MAP2K1: variants seen among roughly 807,000 people sequenced by gnomAD.
MAP2K1 encodes mitogen-activated protein kinase kinase 1.
MAP2K1 carries 16 observed loss-of-function variants against 46.3 expected under a neutral mutation model. That is an observed-to-expected ratio of 0.35 (90% CI 0.23 to 0.52). MAP2K1 has a LOEUF of 0.52. Ranked by LOEUF, MAP2K1 falls within the 20% of genes least tolerant of loss-of-function variation. The pLI, the probability that MAP2K1 is intolerant of heterozygous loss-of-function variation, is 0.94. For missense variants in MAP2K1, 263 were observed against 497.1 expected, an observed-to-expected ratio of 0.53 and a Z score of 4.48; for synonymous variants, 183 against 185.6, an observed-to-expected ratio of 0.99 and a Z score of 0.11.
intron 1 of MAP2K1, among the ~76,000 whole-genome samples, chr15:66,423,732 C>T (rs1388613539): frequency 1.4e-5 from 2 of 139,056 alleles, no homozygotes; most frequent in Non-Finnish European, 3.1e-5. Flanking sequence ...CTCAGCCTCC[C>T]GAGTAGCTGG....
At chr15:66,422,196 C>T (rs2093445325) in intron 1 of MAP2K1, among the ~76,000 whole-genome samples, 1 of 152,180 alleles carries the variant, frequency 6.6e-6, no homozygotes, top group Non-Finnish European at 1.5e-5. Flanking sequence ...TTTCATTTAT[C>T]TATGTTTCTT....
At chr15:66,420,548 G>C (rs996355311) in intron 1 of MAP2K1, among the ~76,000 whole-genome samples, 1 of 150,364 alleles carries the variant, frequency 6.7e-6, no homozygotes, top group Non-Finnish European at 1.5e-5. Context: ...GTAACACCCT[G>C]TCTCAAAAAT....
chr15:66,423,738 G>A (rs4776785), intron 1 of MAP2K1, among the ~76,000 whole-genome samples: 17,875 of 124,076 alleles, frequency 0.14, 1,162 homozygotes, highest in Admixed American at 0.18. Context: ...CTCCCGAGTA[G>A]CTGGGATTAC....
intron 1 of MAP2K1, chr15:66,401,922 G>A (rs1473613713): frequency 1.1e-5 from 14 of 1,266,260 alleles, no homozygotes; most frequent in Non-Finnish European, 1.5e-5. Flanking sequence ...GCATCGGTTC[G>A]GGTCGAAGGA....
chr15:66,480,223 G>A (rs1567024316), intron 5 of MAP2K1, among the ~76,000 whole-genome samples: 1 of 151,944 alleles, frequency 6.6e-6, no homozygotes, highest in Non-Finnish European at 1.5e-5. Flanking sequence ...CAAGTAGATG[G>A]GATTACAGGC....
At position 66,443,273 on chromosome 15, in the gene MAP2K1, A is replaced by T. The variant is rs964442363; in HGVS notation, c.439-7A>T. On this transcript the variant is annotated splice_region_variant and splice_polypyrimidine_tract_variant and intron_variant, in intron 3 of 10. Coordinates refer to ENST00000307102, the MANE Select transcript of MAP2K1 (RefSeq NM_002755.4). ...GTCACTAACTGGTCTGGTATTCTCGATCTTAGGATGGAGGTTCTCTGGATC... is the reference window on the plus strand; with the variant it reads ...GTCACTAACTGGTCTGGTATTCTCGTTCTTAGGATGGAGGTTCTCTGGATC... 1.4e-5 allele frequency: 23 copies of T among 1,588,580 alleles called. No individual in the cohort carries two copies. The highest frequency in any genetic ancestry group is 1.9e-5 in the Non-Finnish European group (22 of 1,157,110).
chr15:66,427,194 A>C (rs2140565454), intron 1 of MAP2K1, among the ~76,000 whole-genome samples: 1 of 152,322 alleles, frequency 6.6e-6, no homozygotes, highest in East Asian at 1.9e-4. Flanking sequence ...TATTTTTTTA[A>C]AAGTTGGAAT....
chr15:66,489,502 C>T (rs1893167130), intron 9 of MAP2K1: 1 of 666,966 alleles, frequency 1.5e-6, no homozygotes, highest in Non-Finnish European at 2.7e-6. Flanking sequence ...GGTACTTGCT[C>T]TCCAGGGATT....
At position 66,395,427 on chromosome 15, in the gene MAP2K1, G is replaced by A. The variant is rs890339737; in HGVS notation, c.80+8000G>A. 5.3e-5 allele frequency among the ~76,000 whole-genome samples: 8 copies of A among 151,886 alleles called. No homozygotes were observed. In the South Asian group the frequency reaches 8.3e-4, roughly 16 times the overall value. On this transcript the variant is annotated intron_variant, in intron 1 of 10. Transcript: ENST00000307102. ...TAGCTTAATTTTCCTCTGTTTTTCCGTTCACCTGCTGTGGTCCACTTACCA... is the reference window on the plus strand; with the variant it reads ...TAGCTTAATTTTCCTCTGTTTTTCCATTCACCTGCTGTGGTCCACTTACCA...
At chr15:66,404,956 A>T (rs2093392626) in intron 1 of MAP2K1, among the ~76,000 whole-genome samples, 2 of 152,228 alleles carry the variant, frequency 1.3e-5, no homozygotes, top group Non-Finnish European at 2.9e-5. Context: ...AATTGATCCT[A>T]CTGCAAGAAA....
In MAP2K1 at chr15:66,419,543, C is replaced by T. The variant is rs573977202; in HGVS notation, c.81-15484C>T. Among the ~76,000 whole-genome samples the T allele has an allele frequency of 2.2e-4, 33 of 151,962 alleles. No homozygotes were observed. In the South Asian group the frequency reaches 6.4e-3, roughly 30 times the overall value. Reference sequence around the variant, plus strand: ...CTCAAAAAAAAAAAAATTTCATATGCGGCTAATATGAAACACATTTTATAT... The same window carrying T: ...CTCAAAAAAAAAAAAATTTCATATGTGGCTAATATGAAACACATTTTATAT... On this transcript the variant is annotated intron_variant, in intron 1 of 10. Coordinates refer to ENST00000307102, the MANE Select transcript of MAP2K1 (RefSeq NM_002755.4).
At chr15:66,389,942 A>T (rs1245761300) in intron 1 of MAP2K1, among the ~76,000 whole-genome samples, 2 of 152,092 alleles carry the variant, frequency 1.3e-5, no homozygotes, top group Non-Finnish European at 2.9e-5. Flanking sequence ...GGGGCTAATG[A>T]TAGAACCTAC....
At chr15:66,489,335 C>G in intron 9 of MAP2K1, 59 bp downstream of exon 9, 2 of 1,480,626 alleles carry the variant, frequency 1.4e-6, no homozygotes, top group South Asian at 2.3e-5. Flanking sequence ...GCTCCCCACC[C>G]CATTTCTGGA....
Position 66,387,480 on chromosome 15 carries a change from C to T in MAP2K1, c.80+53C>T, listed in dbSNP as rs575611618. ...GGGGCCCGGCTGGGGAGGCCCGAGCCGGGGAGCAGGAGCGCGCGCCAGGCT... is the reference window on the plus strand; with the variant it reads ...GGGGCCCGGCTGGGGAGGCCCGAGCTGGGGAGCAGGAGCGCGCGCCAGGCT... On this transcript the variant is annotated intron_variant, in intron 1 of 10. Coordinates refer to ENST00000307102, the MANE Select transcript of MAP2K1 (RefSeq NM_002755.4). 43 of 1,524,898 alleles carry T rather than the reference C, an allele frequency of 2.8e-5. No individual in the cohort carries two copies. The African/African-American group carries it at 4.0e-4, about 14-fold the overall frequency. 94.5% of individuals were successfully genotyped at this position (1,524,898 alleles called of 1,614,324 possible).
chr15:66,391,337 G>A (rs775381580), intron 1 of MAP2K1, among the ~76,000 whole-genome samples: 4 of 152,174 alleles, frequency 2.6e-5, no homozygotes, highest in Non-Finnish European at 4.4e-5. Context: ...CGCCCAGGCT[G>A]GAATGCAGTG....
chr15:66,480,484 C>T (rs1265921840), intron 5 of MAP2K1, among the ~76,000 whole-genome samples: 1 of 152,122 alleles, frequency 6.6e-6, no homozygotes, highest in African/African-American at 2.4e-5. Flanking sequence ...CGCCTATAGT[C>T]CCAGCTACTT....
rs1489857480 is a variant in MAP2K1, at chr15:66,485,028, A to G, written c.732A>G (p.Ser244=). Residue 244 remains serine (S), a synonymous_variant, in exon 7 of 11, where the codon TCA becomes TCG. Coordinates refer to ENST00000307102, the MANE Select transcript of MAP2K1 (RefSeq NM_002755.4). The stretch of plus-strand genomic sequence containing the variant: ...AGGGGACTCATTACTCTGTGCAGTC[A>G]GACATCTGGAGCATGGGACTGTCTC... ...RLQGTHYSVQ[S]DIWSMGLSLV... 6.2e-7 allele frequency: 1 copy of G among 1,613,670 alleles called. No homozygotes were observed.
At chr15:66,433,927 C>A (rs921985138) in intron 1 of MAP2K1, among the ~76,000 whole-genome samples, 7 of 152,212 alleles carry the variant, frequency 4.6e-5, no homozygotes, top group African/African-American at 1.4e-4. Flanking sequence ...ATGAAACACT[C>A]TTGAGCAATG....
intron 3 of MAP2K1, among the ~76,000 whole-genome samples, chr15:66,441,542 G>A (rs969102627): frequency 2.0e-5 from 3 of 151,910 alleles, no homozygotes; most frequent in Non-Finnish European, 2.9e-5. Flanking sequence ...GGGGTGGCAC[G>A]TACCTGTGGT....
Sources: allele counts gnomAD v4.1 joint callset (sites outside exome capture counted in the v4.1 genomes callset), GRCh38; gene constraint gnomAD v4.1.1; transcripts MANE v1.5; gene names NCBI Gene and HGNC (gene_info 2026-07-23, HGNC 2026-07-21).